CNTN4: variants seen among roughly 807,000 people sequenced by gnomAD.
The protein encoded by CNTN4 is contactin 4.
A neutral mutation model predicts 122.5 loss-of-function variants in CNTN4; 77 were observed. The ratio of observed to expected loss-of-function variants is 0.63; its 90% CI spans 0.52 to 0.76. The LOEUF (loss-of-function observed/expected upper bound fraction) is 0.76. Ranked by LOEUF, CNTN4 falls within the 30% of genes least tolerant of loss-of-function variation. The pLI is 0.00. For missense variants in CNTN4, 1,256 were observed against 1,259.1 expected (o/e 1.00, Z 0.04); for synonymous variants, 512 against 447.0 (o/e 1.15, Z -1.83).
intron 10 of CNTN4, among the ~76,000 whole-genome samples, chr3:2,899,776 G>T (rs1197837466): frequency 6.6e-6 from 1 of 152,046 alleles, no homozygotes; most frequent in Non-Finnish European, 1.5e-5. Context: ...TTCCTGAGGA[G>T]GTTTGATAAA....
At chr3:2,576,152 C>G (rs981173568) in intron 4 of CNTN4, among the ~76,000 whole-genome samples, 3 of 152,052 alleles carry the variant, frequency 2.0e-5, no homozygotes, top group African/African-American at 7.2e-5. Flanking sequence ...TCTTTTTATA[C>G]AAAATAACTT....
At chr3:3,047,152 A>G (rs1700742562) in intron 23 of CNTN4, among the ~76,000 whole-genome samples, 1 of 151,802 alleles carries the variant, frequency 6.6e-6, no homozygotes, top group South Asian at 2.1e-4. Context: ...CTGCAAAGAG[A>G]CTTAGACTCC....
chr3:2,678,789 T>C (rs1271944034), intron 4 of CNTN4, among the ~76,000 whole-genome samples: 1 of 152,158 alleles, frequency 6.6e-6, no homozygotes, highest in African/African-American at 2.4e-5. Context: ...GGAAAAGAGC[T>C]GTATGTCTTA....
intron 2 of CNTN4, among the ~76,000 whole-genome samples, chr3:2,148,661 C>G (rs1343971317): frequency 6.6e-6 from 1 of 152,066 alleles, no homozygotes; most frequent in African/African-American, 2.4e-5. Context: ...TTGTGTAAAT[C>G]TTATGAGGCT....
At chr3:2,249,986 A>G (rs911803928) in intron 2 of CNTN4, among the ~76,000 whole-genome samples, 4 of 151,880 alleles carry the variant, frequency 2.6e-5, no homozygotes, top group African/African-American at 9.7e-5. Context: ...CATGGATTTT[A>G]AAATAAGAAA....
intron 13 of CNTN4, among the ~76,000 whole-genome samples, chr3:2,929,374 A>T (rs2094500315): frequency 6.6e-6 from 1 of 152,256 alleles, no homozygotes; most frequent in Non-Finnish European, 1.5e-5. Flanking sequence ...CCTATTAAAA[A>T]CAAAAACATT....
intron 2 of CNTN4, among the ~76,000 whole-genome samples, chr3:2,106,935 C>G (rs2032497534): frequency 6.6e-6 from 1 of 152,206 alleles, no homozygotes; most frequent in Non-Finnish European, 1.5e-5. Flanking sequence ...CTGCTAGTCT[C>G]TTTGCTAAAG....
At chr3:2,308,454 C>T (rs2042796438) in intron 2 of CNTN4, among the ~76,000 whole-genome samples, 1 of 151,692 alleles carries the variant, frequency 6.6e-6, no homozygotes, top group South Asian at 2.1e-4. Context: ...TCTTCTTTTC[C>T]AGGGTTTCAA....
intron 14 of CNTN4, among the ~76,000 whole-genome samples, chr3:3,019,808 A>ATG (rs1235656206): frequency 6.9e-6 from 1 of 144,562 alleles, no homozygotes; most frequent in Non-Finnish European, 1.5e-5. Flanking sequence ...ACACATGCAT[A>ATG]TATATATACA....
chr3:2,135,575 A>T (rs2034651029), intron 2 of CNTN4, among the ~76,000 whole-genome samples: 1 of 151,610 alleles, frequency 6.6e-6, no homozygotes, highest in Non-Finnish European at 1.5e-5. Context: ...GAGAGTAATC[A>T]GCGCATATTT....
At chr3:2,676,792 CAT>C (rs1451672519) in intron 4 of CNTN4, among the ~76,000 whole-genome samples, 1 of 152,108 alleles carries the variant, frequency 6.6e-6, no homozygotes, top group East Asian at 1.9e-4. Context: ...ACTTCAGAAA[CAT>C]ATAAAAAGAC....
intron 6 of CNTN4, among the ~76,000 whole-genome samples, chr3:2,793,784 C>G (rs1163426807): frequency 6.6e-6 from 1 of 152,152 alleles, no homozygotes; most frequent in Non-Finnish European, 1.5e-5. Flanking sequence ...CAGTTACTGA[C>G]TACAGAATAA....
chr3:2,244,017 T>C (rs573705290), intron 2 of CNTN4, among the ~76,000 whole-genome samples: 3 of 152,034 alleles, frequency 2.0e-5, no homozygotes, highest in Non-Finnish European at 4.4e-5. Flanking sequence ...TGTTGATGAG[T>C]TGTACGGTAG....
At chr3:2,575,031 CTATTAG>C (rs1312566808) in intron 4 of CNTN4, among the ~76,000 whole-genome samples, 1 of 152,122 alleles carries the variant, frequency 6.6e-6, no homozygotes, top group East Asian at 1.9e-4. Context: ...TTACAATAAA[CTATTAG>C]TATATTTTAA....
intron 2 of CNTN4, among the ~76,000 whole-genome samples, chr3:2,197,320 T>C (rs1313763541): frequency 6.6e-6 from 1 of 152,184 alleles, no homozygotes; most frequent in Non-Finnish European, 1.5e-5. Flanking sequence ...AGCTGTCATT[T>C]TCTTTTCATT....
At chr3:2,604,247 T>A (rs2149771768) in intron 4 of CNTN4, among the ~76,000 whole-genome samples, 1 of 152,260 alleles carries the variant, frequency 6.6e-6, no homozygotes, top group Admixed American at 6.5e-5. Context: ...AATCTGTTAT[T>A]TTTTTTAAAA....
intron 14 of CNTN4, among the ~76,000 whole-genome samples, chr3:2,997,896 A>G (rs1559769117): frequency 6.6e-6 from 1 of 152,184 alleles, no homozygotes; most frequent in Non-Finnish European, 1.5e-5. Context: ...GATTAGCAAC[A>G]TTGCTTTGAA....
intron 14 of CNTN4, chr3:2,999,194 T>A (rs1403067206): frequency 6.6e-6 from 1 of 152,232 alleles, no homozygotes; most frequent in Non-Finnish European, 1.5e-5. Flanking sequence ...ATTAGTATCT[T>A]TCTACCAGCA....
chr3:2,463,872 TCTTACTAGAGGAAG>T (rs2151449936), intron 3 of CNTN4, among the ~76,000 whole-genome samples: 1 of 152,332 alleles, frequency 6.6e-6, no homozygotes, highest in South Asian at 2.1e-4. Flanking sequence ...ATGTCATGCA[TCTTACTAGAGGAAG>T]ATGCTGCCTT....
Sources: allele counts gnomAD v4.1 joint callset (sites outside exome capture counted in the v4.1 genomes callset), GRCh38; gene constraint gnomAD v4.1.1; transcripts MANE v1.5; gene names NCBI Gene and HGNC (gene_info 2026-07-23, HGNC 2026-07-21).